The following SNTG2 variants were observed in gnomAD, a reference collection of about 807,000 sequenced individuals.
The protein encoded by SNTG2 is syntrophin gamma 2, also known as gamma-2-syntrophin.
A neutral mutation model predicts 70.9 loss-of-function variants in SNTG2; 74 were observed. That is an observed-to-expected ratio of 1.04 (90% CI 0.86 to 1.27). SNTG2 has a LOEUF of 1.27. SNTG2 is among the 50% of genes most tolerant of loss of function. SNTG2 has a pLI of 0.00. For synonymous variants in SNTG2, 278 were observed against 273.8 expected (o/e 1.02, Z -0.15); for missense variants, 717 against 690.7 (o/e 1.04, Z -0.43).
At chr2:1,212,701 A>G (rs1376030624) in intron 9 of SNTG2, among the ~76,000 whole-genome samples, 2 of 152,162 alleles carry the variant, frequency 1.3e-5, no homozygotes, top group Non-Finnish European at 2.9e-5. Context: ...GCAAAGTCCC[A>G]TTTAGAGGCT....
chr2:1,170,485 C>G (rs773579816), intron 7 of SNTG2, among the ~76,000 whole-genome samples: 5 of 152,166 alleles, frequency 3.3e-5, no homozygotes, highest in Non-Finnish European at 7.3e-5. Context: ...CCCCTGAAGT[C>G]AACATCTGCT....
At chr2:1,165,762 A>G in intron 7 of SNTG2, 127 bp downstream of exon 7, 1 of 785,918 alleles carries the variant, frequency 1.3e-6, no homozygotes, top group Non-Finnish European at 2.0e-6. Context: ...GAGAGAAGAA[A>G]AGTATAGGCA....
At chr2:1,109,539 A>T (rs914175137) in intron 4 of SNTG2, among the ~76,000 whole-genome samples, 2 of 152,182 alleles carry the variant, frequency 1.3e-5, no homozygotes, top group African/African-American at 2.4e-5. Flanking sequence ...TTCATAGGGC[A>T]GCAGATAAAC....
intron 4 of SNTG2, among the ~76,000 whole-genome samples, chr2:1,111,200 T>C (rs1237056935): frequency 6.6e-6 from 1 of 152,188 alleles, no homozygotes; most frequent in East Asian, 1.9e-4. Flanking sequence ...AAATAGAACT[T>C]GACAAGGATA....
chr2:1,363,333 T>G (rs1043232962), intron 16 of SNTG2, among the ~76,000 whole-genome samples: 1 of 152,212 alleles, frequency 6.6e-6, no homozygotes, highest in Non-Finnish European at 1.5e-5. Context: ...CTCCTCACTT[T>G]GCCTTTAAGC....
At chr2:951,933 A>G (rs55641069) in intron 1 of SNTG2, among the ~76,000 whole-genome samples, 4,499 of 152,262 alleles carry the variant, frequency 0.03, 212 homozygotes, top group African/African-American at 0.1. Flanking sequence ...CCTCCCTTAT[A>G]GGACAGTGGA....
chr2:1,197,316 G>A (rs1672967273), intron 8 of SNTG2, among the ~76,000 whole-genome samples: 1 of 150,804 alleles, frequency 6.6e-6, no homozygotes, highest in African/African-American at 2.4e-5. Context: ...ATGAACAGAA[G>A]CAACTATAAT....
intron 8 of SNTG2, among the ~76,000 whole-genome samples, chr2:1,187,238 A>G (rs1475438707): frequency 2.0e-5 from 3 of 152,270 alleles, no homozygotes; most frequent in African/African-American, 4.8e-5. Flanking sequence ...TTATGTGTCC[A>G]CTTGGCTAGG....
At chr2:1,205,325 C>T (rs1482915161) in intron 8 of SNTG2, among the ~76,000 whole-genome samples, 3 of 152,144 alleles carry the variant, frequency 2.0e-5, no homozygotes, top group African/African-American at 4.8e-5. Context: ...TAAAAGTACT[C>T]AATTTTTCTC....
At chr2:983,320 A>T (rs113179676) in intron 1 of SNTG2, among the ~76,000 whole-genome samples, 32 of 139,506 alleles carry the variant, frequency 2.3e-4, no homozygotes, top group African/African-American at 9.1e-4. Context: ...GGTCAGGATG[A>T]AGAAGCTGCA....
At chr2:1,030,821 G>A (rs1296047442) in intron 1 of SNTG2, among the ~76,000 whole-genome samples, 4 of 152,140 alleles carry the variant, frequency 2.6e-5, no homozygotes, top group African/African-American at 9.7e-5. Flanking sequence ...GTTGACAAAG[G>A]AAGAAATCCA....
intron 1 of SNTG2, among the ~76,000 whole-genome samples, chr2:1,022,537 G>A (rs1007675869): frequency 1.2e-4 from 18 of 151,866 alleles, no homozygotes; most frequent in African/African-American, 4.4e-4. Context: ...TTGCATTCCC[G>A]TCAGTCCCTG....
chr2:1,358,515 T>G (rs763140338), intron 16 of SNTG2, among the ~76,000 whole-genome samples: 3 of 152,186 alleles, frequency 2.0e-5, no homozygotes, highest in Non-Finnish European at 4.4e-5. Flanking sequence ...TGGCACTGTT[T>G]TTGCTGCATC....
chr2:1,004,131 T>A (rs564988975), intron 1 of SNTG2, among the ~76,000 whole-genome samples: 4 of 152,338 alleles, frequency 2.6e-5, no homozygotes. Context: ...TAAAAGAAGT[T>A]ATACCATGTT....
At chr2:1,234,633 C>T (rs151288469) in intron 9 of SNTG2, among the ~76,000 whole-genome samples, 1 of 152,256 alleles carries the variant, frequency 6.6e-6, no homozygotes, top group African/African-American at 2.4e-5. Flanking sequence ...AGACGCCTTC[C>T]TTTTTATTGC....
chr2:1,091,615 G>A (rs1048265340), intron 2 of SNTG2, among the ~76,000 whole-genome samples: 10 of 152,290 alleles, frequency 6.6e-5, no homozygotes, highest in African/African-American at 2.4e-4. Context: ...GCCAAGGGCA[G>A]CTTTTGTCAT....
chr2:1,145,361 G>A (rs1168477589), intron 6 of SNTG2, among the ~76,000 whole-genome samples: 1 of 151,988 alleles, frequency 6.6e-6, no homozygotes, highest in African/African-American at 2.4e-5. Flanking sequence ...TGCAAAGAGA[G>A]AACACAAGTT....
intron 1 of SNTG2, among the ~76,000 whole-genome samples, chr2:1,004,619 C>T (rs1659508736): frequency 6.6e-6 from 1 of 152,198 alleles, no homozygotes; most frequent in South Asian, 2.1e-4. Context: ...GACAACCCTA[C>T]ACCACTGTTA....
intron 1 of SNTG2, among the ~76,000 whole-genome samples, chr2:1,033,422 C>G (rs972226951): frequency 3.0e-4 from 46 of 152,202 alleles, no homozygotes; most frequent in African/African-American, 1.0e-3. Context: ...AAATGCCTGT[C>G]CCTTCTTCAA....
Sources: allele counts gnomAD v4.1 joint callset (sites outside exome capture counted in the v4.1 genomes callset), GRCh38; gene constraint gnomAD v4.1.1; transcripts MANE v1.5; gene names NCBI Gene and HGNC (gene_info 2026-07-23, HGNC 2026-07-21).